The following ERC2 variants were observed in gnomAD, a reference collection of about 807,000 sequenced individuals.
The protein encoded by ERC2 is ERC protein 2.
Under a neutral mutation model 114.8 loss-of-function variants are expected in ERC2, and 42 were observed. That is an observed-to-expected ratio of 0.37 (90% CI 0.29 to 0.47). The LOEUF (loss-of-function observed/expected upper bound fraction) is 0.47, where lower values mean the gene tolerates loss of function less well. Among genes scored for constraint, ERC2 ranks in the 20% least tolerant of loss-of-function variants. ERC2 has a pLI of 0.99. For missense variants in ERC2, 939 were observed against 1,150.7 expected (o/e 0.82, Z 2.66); for synonymous variants, 454 against 425.5 (o/e 1.07, Z -0.82).
At chr3:55,697,886 G>A (rs1302828789) in intron 16 of ERC2, among the ~76,000 whole-genome samples, 2 of 151,928 alleles carry the variant, frequency 1.3e-5, no homozygotes, top group Non-Finnish European at 2.9e-5. Context: ...CTGGGAGAAT[G>A]CCAAGGAGAA....
intron 6 of ERC2, among the ~76,000 whole-genome samples, chr3:56,096,031 C>G (rs2078044559): frequency 6.6e-6 from 1 of 152,038 alleles, no homozygotes; most frequent in South Asian, 2.1e-4. Context: ...GTCTCCTCAT[C>G]CATAAAATGA....
chr3:56,407,868 A>C (rs1474267761), intron 2 of ERC2, among the ~76,000 whole-genome samples: 2 of 152,164 alleles, frequency 1.3e-5, no homozygotes, highest in East Asian at 3.9e-4. Flanking sequence ...CTTCAGATGC[A>C]CACACTATTC....
intron 12 of ERC2, among the ~76,000 whole-genome samples, chr3:55,968,856 G>T (rs993773915): frequency 1.3e-5 from 2 of 152,072 alleles, no homozygotes; most frequent in Non-Finnish European, 2.9e-5. Context: ...AATGCTCTTT[G>T]CTGATAAGAA....
intron 14 of ERC2, among the ~76,000 whole-genome samples, chr3:55,788,659 C>T (rs185874419): frequency 9.2e-5 from 14 of 152,288 alleles, no homozygotes; most frequent in African/African-American, 2.6e-4. Flanking sequence ...TTTGAACACA[C>T]CCTACCTCTC....
chr3:55,896,894 G>A (rs1200714784), intron 13 of ERC2, among the ~76,000 whole-genome samples: 1 of 152,142 alleles, frequency 6.6e-6, no homozygotes, highest in Non-Finnish European at 1.5e-5. Context: ...ATTCTATGTT[G>A]CAGATCATAT....
intron 7 of ERC2, among the ~76,000 whole-genome samples, chr3:56,059,160 G>A (rs1007742861): frequency 6.6e-6 from 1 of 151,268 alleles, no homozygotes; most frequent in Admixed American, 6.6e-5. Flanking sequence ...GCGCCATCTC[G>A]GCTCACTGCA....
intron 3 of ERC2, among the ~76,000 whole-genome samples, chr3:56,288,608 A>G (rs1455039111): frequency 1.3e-5 from 2 of 152,236 alleles, no homozygotes; most frequent in Non-Finnish European, 2.9e-5. Flanking sequence ...AAATGATGCT[A>G]AACAGAAAGG....
At chr3:55,904,054 T>C (rs1211156226) in intron 13 of ERC2, among the ~76,000 whole-genome samples, 1 of 152,222 alleles carries the variant, frequency 6.6e-6, no homozygotes, top group African/African-American at 2.4e-5. Flanking sequence ...CTGTTTCGTG[T>C]TTAAAAATTC....
intron 17 of ERC2, among the ~76,000 whole-genome samples, chr3:55,681,175 A>G (rs1439036293): frequency 6.6e-6 from 1 of 152,182 alleles, no homozygotes; most frequent in Non-Finnish European, 1.5e-5. Flanking sequence ...TAGTGAGACA[A>G]ATAAATCATG....
At chr3:56,134,558 C>T (rs1389497651) in intron 6 of ERC2, among the ~76,000 whole-genome samples, 1 of 152,052 alleles carries the variant, frequency 6.6e-6, no homozygotes, top group Non-Finnish European at 1.5e-5. Flanking sequence ...TGTATGTGCC[C>T]ATGTGGATTT....
chr3:56,352,035 G>A (rs1004817621), intron 2 of ERC2, among the ~76,000 whole-genome samples: 1 of 152,208 alleles, frequency 6.6e-6, no homozygotes, highest in African/African-American at 2.4e-5. Flanking sequence ...AGGAAGGCTG[G>A]AGAGATTACC....
intron 2 of ERC2, among the ~76,000 whole-genome samples, chr3:56,418,713 T>C (rs769611146): frequency 1.1e-4 from 17 of 152,208 alleles, no homozygotes; most frequent in Non-Finnish European, 1.9e-4. Flanking sequence ...GGGAACATAT[T>C]GTAGTTAGGT....
chr3:55,643,447 G>A (rs1365565469), intron 17 of ERC2, among the ~76,000 whole-genome samples: 1 of 152,046 alleles, frequency 6.6e-6, no homozygotes, highest in Non-Finnish European at 1.5e-5. Context: ...GTTTTCAAGG[G>A]ACTTGCCATT....
chr3:56,226,686 C>T (rs1487525001), intron 3 of ERC2, among the ~76,000 whole-genome samples: 2 of 152,180 alleles, frequency 1.3e-5, no homozygotes, highest in East Asian at 3.9e-4. Context: ...TACTCCCAGG[C>T]TACACTCTCA....
intron 4 of ERC2, among the ~76,000 whole-genome samples, 195 bp from the exon 5 acceptor site, chr3:56,149,327 A>G (rs995350508): frequency 6.6e-6 from 1 of 152,144 alleles, no homozygotes; most frequent in Admixed American, 6.5e-5. Context: ...TAAGCTCCCA[A>G]TCAAGACCAT....
chr3:56,366,505 T>C (rs1339873468), intron 2 of ERC2, among the ~76,000 whole-genome samples: 1 of 152,180 alleles, frequency 6.6e-6, no homozygotes, highest in Non-Finnish European at 1.5e-5. Context: ...TCACAGGCTG[T>C]CAGGTCTGTG....
At position 55,839,773 on chromosome 3, in the gene ERC2, G is replaced by T. The variant is rs149142968; in HGVS notation, c.2564+48616C>A. 6.6e-5 allele frequency among the ~76,000 whole-genome samples: 10 copies of T among 151,822 alleles called. No homozygotes were observed. The East Asian group carries it at 1.9e-3, about 29-fold the overall frequency. On this transcript the variant is annotated intron_variant, in intron 14 of 17. Coordinates refer to ENST00000288221, the MANE Select transcript of ERC2 (RefSeq NM_015576.3). ...ATCCAAATCAAGACAGTAAAAAGAG[G>T]AATTAACGAAAAGATGGGGCAAATA...
At chr3:55,944,857 C>T (rs1305477609) in intron 13 of ERC2, among the ~76,000 whole-genome samples, 2 of 152,160 alleles carry the variant, frequency 1.3e-5, no homozygotes, top group Non-Finnish European at 2.9e-5. Flanking sequence ...TCTGTGCTGA[C>T]CCTCAGTCCT....
intron 2 of ERC2, among the ~76,000 whole-genome samples, chr3:56,386,279 T>C (rs1309884864): frequency 6.6e-6 from 1 of 152,152 alleles, no homozygotes; most frequent in African/African-American, 2.4e-5. Context: ...TATTCTACAT[T>C]AAAATAAATA....
Sources: allele counts gnomAD v4.1 joint callset (sites outside exome capture counted in the v4.1 genomes callset), GRCh38; gene constraint gnomAD v4.1.1; transcripts MANE v1.5; gene names NCBI Gene and HGNC (gene_info 2026-07-23, HGNC 2026-07-21).